PPP2R2B: variants seen among roughly 807,000 people sequenced by gnomAD.
PPP2R2B encodes serine/threonine-protein phosphatase 2A 55 kDa regulatory subunit B beta isoform.
PPP2R2B carries 5 observed loss-of-function variants against 46.0 expected under a neutral mutation model. The ratio of observed to expected loss-of-function variants is 0.11; its 90% CI spans 0.06 to 0.23. The LOEUF (loss-of-function observed/expected upper bound fraction) is 0.23. Ranked by LOEUF, PPP2R2B falls within the 10% of genes least tolerant of loss-of-function variation. The pLI is 1.00. For synonymous variants in PPP2R2B, 215 were observed against 206.7 expected, an observed-to-expected ratio of 1.04 and a Z score of -0.34; for missense variants, 367 against 575.0, an observed-to-expected ratio of 0.64 and a Z score of 3.70.
chr5:147,078,293 A>T (rs1007453676), intron 2 of PPP2R2B, among the ~76,000 whole-genome samples: 7 of 152,220 alleles, frequency 4.6e-5, no homozygotes, highest in Non-Finnish European at 1.0e-4. Context: ...AATTTGTCTT[A>T]AGCAAATAAT....
Position 146,780,361 on chromosome 5 carries a change from G to T in PPP2R2B, c.71-79219C>A, listed in dbSNP as rs540780035. 1.4e-4 allele frequency among the ~76,000 whole-genome samples: 21 copies of T among 152,298 alleles called. 1 individual carries two copies. The South Asian group carries it at 4.3e-3, about 32-fold the overall frequency. ...AGTAATAATAAAGTAGATTAAAAAT[G>T]ATAGTTGCTATCTTCCTAAAATTGA... On this transcript the variant is annotated intron_variant, in intron 2 of 9. Coordinates refer to ENST00000394411, the MANE Select transcript of PPP2R2B (RefSeq NM_181675.4).
intron 2 of PPP2R2B, among the ~76,000 whole-genome samples, chr5:146,749,606 C>CTTTT (rs1045634394): frequency 1.9e-5 from 2 of 103,850 alleles, no homozygotes; most frequent in Non-Finnish European, 2.1e-5. Flanking sequence ...CTTTTCTTTT[C>CTTTT]TTTTTTTTTT....
At chr5:146,974,896 A>G (rs931411037) in intron 1 of PPP2R2B, among the ~76,000 whole-genome samples, 2 of 152,076 alleles carry the variant, frequency 1.3e-5, no homozygotes, top group South Asian at 2.1e-4. Flanking sequence ...TCACCATGTT[A>G]GCCAGGATGG....
intron 2 of PPP2R2B, among the ~76,000 whole-genome samples, chr5:146,847,474 C>G (rs113985427): frequency 1.3e-5 from 2 of 152,200 alleles, no homozygotes; most frequent in African/African-American, 4.8e-5. Flanking sequence ...CTACTCTATT[C>G]TCAGCTTAAG....
At chr5:146,923,901 G>A (rs755203943) in intron 1 of PPP2R2B, among the ~76,000 whole-genome samples, 86 of 152,304 alleles carry the variant, frequency 5.6e-4, no homozygotes, top group Non-Finnish European at 9.4e-4. Context: ...CAGGAAAGAA[G>A]AAATGGTAGT....
chr5:146,773,434 A>G (rs1754991144), intron 2 of PPP2R2B, among the ~76,000 whole-genome samples: 1 of 152,220 alleles, frequency 6.6e-6, no homozygotes, highest in Admixed American at 6.5e-5. Flanking sequence ...ATTATGATCT[A>G]GATTTGAATT....
intron 7 of PPP2R2B, among the ~76,000 whole-genome samples, chr5:146,617,726 G>A (rs184233521): frequency 4.1e-5 from 6 of 145,276 alleles, no homozygotes; most frequent in Non-Finnish European, 5.9e-5. Context: ...GCAGAGTCTC[G>A]CTCTGTCACC....
chr5:146,894,989 A>T (rs1289350809), intron 1 of PPP2R2B, among the ~76,000 whole-genome samples: 1 of 152,180 alleles, frequency 6.6e-6, no homozygotes, highest in Non-Finnish European at 1.5e-5. Context: ...CATTTGTTGA[A>T]TGCCTGAATG....
intron 2 of PPP2R2B, among the ~76,000 whole-genome samples, chr5:146,849,906 G>A (rs1023058795): frequency 3.9e-5 from 6 of 152,166 alleles, no homozygotes; most frequent in East Asian, 3.8e-4. Context: ...GCAGATTAGA[G>A]TCTAAGTGGA....
At chr5:147,064,163 A>T (rs950232604) in intron 2 of PPP2R2B, among the ~76,000 whole-genome samples, 1 of 152,196 alleles carries the variant, frequency 6.6e-6, no homozygotes, top group Non-Finnish European at 1.5e-5. Flanking sequence ...GTATGTACTC[A>T]TCAGTTCCTC....
chr5:146,837,273 A>T (rs950007261), intron 2 of PPP2R2B, among the ~76,000 whole-genome samples: 2 of 152,226 alleles, frequency 1.3e-5, no homozygotes, highest in Non-Finnish European at 2.9e-5. Context: ...GTAGTAGATG[A>T]GTTGTAGTTT....
At chr5:146,727,895 G>A (rs541678988) in intron 2 of PPP2R2B, among the ~76,000 whole-genome samples, 8 of 151,464 alleles carry the variant, frequency 5.3e-5, no homozygotes, top group Middle Eastern at 3.4e-3. Flanking sequence ...AACCAGCCCC[G>A]GGTAACCACC....
At chr5:147,043,520 T>C (rs1043192587) in intron 1 of PPP2R2B, among the ~76,000 whole-genome samples, 1 of 152,124 alleles carries the variant, frequency 6.6e-6, no homozygotes. Context: ...CCTCCAGAAC[T>C]GTGAGAAAAT....
intron 5 of PPP2R2B, among the ~76,000 whole-genome samples, chr5:146,667,747 C>G (rs749797418): frequency 6.6e-6 from 1 of 152,118 alleles, no homozygotes; most frequent in East Asian, 1.9e-4. Flanking sequence ...GCCACCTGGT[C>G]TCTTAAACGC....
At chr5:146,891,192 G>A (rs1762481906) in intron 1 of PPP2R2B, among the ~76,000 whole-genome samples, 1 of 152,178 alleles carries the variant, frequency 6.6e-6, no homozygotes, top group Non-Finnish European at 1.5e-5. Flanking sequence ...CATGATTTTT[G>A]AGAACCAGGC....
intron 1 of PPP2R2B, among the ~76,000 whole-genome samples, chr5:147,043,788 G>A (rs953963059): frequency 6.6e-6 from 1 of 152,086 alleles, no homozygotes; most frequent in African/African-American, 2.4e-5. Context: ...CTTACTTAGG[G>A]GCAGTCAGTT....
At chr5:146,619,508 C>T (rs1773498729) in intron 7 of PPP2R2B, among the ~76,000 whole-genome samples, 1 of 152,148 alleles carries the variant, frequency 6.6e-6, no homozygotes, top group Non-Finnish European at 1.5e-5. Flanking sequence ...GGGCAATTTC[C>T]ACTCTGCTCC....
At chr5:146,757,231 G>T (rs1297493474) in intron 2 of PPP2R2B, among the ~76,000 whole-genome samples, 1 of 152,166 alleles carries the variant, frequency 6.6e-6, no homozygotes, top group Non-Finnish European at 1.5e-5. Context: ...TGACAGTTTT[G>T]TGCTGTGTAC....
rs115592615 is a variant in PPP2R2B at position 146,805,426 on chromosome 5, G to C, written c.70+72576C>G. 7.8e-3 allele frequency among the ~76,000 whole-genome samples: 1,192 copies of C among 152,244 alleles called. 18 individuals carry two copies. The highest frequency in any genetic ancestry group is 0.027 in the African/African-American group (1,132 of 41,528). On this transcript the variant is annotated intron_variant, in intron 2 of 9. Coordinates refer to ENST00000394411, the MANE Select transcript of PPP2R2B (RefSeq NM_181675.4). Reference sequence around the variant, plus strand: ...TAGAGAAAGGATCCTGCCTGGTCTAGCTCTTTGTTGTCTAATTGCAACAAA... The same window carrying C: ...TAGAGAAAGGATCCTGCCTGGTCTACCTCTTTGTTGTCTAATTGCAACAAA...
Sources: gnomAD v4.1 joint callset for allele counts (sites outside exome capture counted in the v4.1 genomes callset) on GRCh38, gnomAD v4.1.1 for gene constraint, MANE v1.5 for transcripts, NCBI Gene and HGNC (gene_info 2026-07-23, HGNC 2026-07-21) for gene names.